The following KCNJ12 variants were observed in gnomAD, a reference collection of about 807,000 sequenced individuals.
The protein encoded by KCNJ12 is ATP-sensitive inward rectifier potassium channel 12.
Under a neutral mutation model 22.3 loss-of-function variants are expected in KCNJ12, and 2 were observed. That is an observed-to-expected ratio of 0.09 (90% CI 0.04 to 0.28). The LOEUF is 0.28. Among genes scored for constraint, KCNJ12 ranks in the 10% least tolerant of loss-of-function variants. KCNJ12 has a pLI of 1.00. For missense variants in KCNJ12, 155 were observed against 633.3 expected (o/e 0.24, Z 8.11); for synonymous variants, 117 against 261.4 (o/e 0.45, Z 5.33).
intron 2 of KCNJ12, among the ~76,000 whole-genome samples, 195 bp downstream of exon 2, chr17:21,408,835 C>G (rs1414807257): frequency 2.0e-5 from 3 of 152,298 alleles, no homozygotes; most frequent in Non-Finnish European, 4.4e-5. Context: ...CCATGCCATC[C>G]GTTCCTCACC....
At chr17:21,399,166 A>G (rs1024886494) in intron 1 of KCNJ12, among the ~76,000 whole-genome samples, 2 of 152,140 alleles carry the variant, frequency 1.3e-5, no homozygotes, top group Non-Finnish European at 2.9e-5. Flanking sequence ...GCCGTCCCCC[A>G]TGCCTGCTTC....
chr17:21,411,525 G>T (rs1597580134), intron 2 of KCNJ12, among the ~76,000 whole-genome samples: 1 of 152,312 alleles, frequency 6.6e-6, no homozygotes, highest in East Asian at 1.9e-4. Flanking sequence ...GGCGACCCTG[G>T]GACCCTGGCA....
chr17:21,390,209 C>A (rs1193055082), intron 1 of KCNJ12, among the ~76,000 whole-genome samples: 10 of 152,204 alleles, frequency 6.6e-5, no homozygotes, highest in African/African-American at 2.4e-4. Context: ...CCACAGGGCC[C>A]ACCCCTCTTG....
chr17:21,407,598 T>C (rs1214406965), intron 1 of KCNJ12, among the ~76,000 whole-genome samples: 2 of 149,764 alleles, frequency 1.3e-5, no homozygotes, highest in African/African-American at 4.9e-5. Flanking sequence ...CACCCATCCA[T>C]CCATCCATCC....
chr17:21,397,431 TC>T (rs1323290516), intron 1 of KCNJ12, among the ~76,000 whole-genome samples: 11 of 152,132 alleles, frequency 7.2e-5, no homozygotes, highest in South Asian at 2.1e-4. Context: ...GGCGGTTTCA[TC>T]CCCGTGCACT....
intron 1 of KCNJ12, among the ~76,000 whole-genome samples, chr17:21,403,326 A>T (rs4985858): frequency 5.6e-4 from 86 of 152,374 alleles, no homozygotes; most frequent in African/African-American, 1.9e-3. Flanking sequence ...CATGGGTCCG[A>T]TTTAAACAAA....
At chr17:21,379,498 G>A (rs560111448) in intron 1 of KCNJ12, among the ~76,000 whole-genome samples, 14 of 152,326 alleles carry the variant, frequency 9.2e-5, no homozygotes, top group Admixed American at 1.3e-4. Context: ...TTTACTGTGA[G>A]CGACACATGG....
chr17:21,382,132 C>T (rs1453078440), intron 1 of KCNJ12, among the ~76,000 whole-genome samples: 1 of 152,184 alleles, frequency 6.6e-6, no homozygotes, highest in African/African-American at 2.4e-5. Flanking sequence ...TTCCTTCAGG[C>T]CCCTACTCTG....
chr17:21,393,547 G>A (rs1306379807), intron 1 of KCNJ12, among the ~76,000 whole-genome samples: 1 of 152,202 alleles, frequency 6.6e-6, no homozygotes, highest in Admixed American at 6.5e-5. Context: ...CCCTCTGGGA[G>A]CCTCAGACCC....
In KCNJ12 at chr17:21,392,768, G is replaced by A. The variant is rs561106381; in HGVS notation, c.-178-15751G>A. On this transcript the variant is annotated intron_variant, in intron 1 of 2. Transcript: ENST00000583088. Reference sequence around the variant, plus strand: ...CCACAGCATTTGGGCAGTATAGACAGGGAGGTGGATGGTGGAGACAGGTGG... The same window carrying A: ...CCACAGCATTTGGGCAGTATAGACAAGGAGGTGGATGGTGGAGACAGGTGG... 2.3e-4 allele frequency among the ~76,000 whole-genome samples: 35 copies of A among 152,384 alleles called. No individual in the cohort carries two copies. In the South Asian group the frequency reaches 7.3e-3, roughly 32 times the overall value.
Position 21,417,178 on chromosome 17 carries a change from AGCT to A in KCNJ12, c.*536_*538del. The A allele has an allele frequency of 5.9e-6, 1 of 169,146 alleles. No individual in the cohort carries two copies. The highest frequency in any genetic ancestry group is 1.4e-5 in the Non-Finnish European group (1 of 69,724). 10.5% of individuals were successfully genotyped at this position (169,146 alleles called of 1,614,324 possible). A position where few individuals can be genotyped will look rare whatever the true frequency, so the allele number is the denominator to read the frequency against. On this transcript the variant is annotated 3_prime_UTR_variant, in exon 3 of 3. Coordinates refer to ENST00000583088, the MANE Select transcript of KCNJ12 (RefSeq NM_021012.5). ...TTCCATGGGTCTGCCAGGATGCAGC[AGCT>A]GGCTGAAGGCTCCAGAGGGTTCCCC...
chr17:21,390,889 G>A (rs919178172), intron 1 of KCNJ12, among the ~76,000 whole-genome samples: 2 of 152,044 alleles, frequency 1.3e-5, no homozygotes, highest in Non-Finnish European at 2.9e-5. Flanking sequence ...TCACACTGTC[G>A]TGCAGCCATC....
At chr17:21,415,106 G>A (rs1359515265) in intron 2 of KCNJ12, among the ~76,000 whole-genome samples, 181 bp from the exon 3 acceptor site, 5 of 152,408 alleles carry the variant, frequency 3.3e-5, no homozygotes, top group East Asian at 1.9e-4. Flanking sequence ...CTGGGGGCCC[G>A]AAGGGGGTGG....
chr17:21,398,336 C>T lies in KCNJ12; in HGVS notation c.-178-10183C>T, dbSNP rs576291357. 4.6e-5 allele frequency among the ~76,000 whole-genome samples: 7 copies of T among 152,284 alleles called. No homozygotes were observed. In the East Asian group the frequency reaches 1.4e-3, roughly 29 times the overall value. The stretch of plus-strand genomic sequence containing the variant: ...CCCACACTTCTCTGGTACCCGAGGC[C>T]CTGCCCAGTGCCTCCTCTGGCCACT... On this transcript the variant is annotated intron_variant, in intron 1 of 2. Transcript: ENST00000583088.
intron 1 of KCNJ12, among the ~76,000 whole-genome samples, chr17:21,378,604 G>A (rs1597549185): frequency 6.6e-6 from 1 of 152,130 alleles, no homozygotes; most frequent in Non-Finnish European, 1.5e-5. Context: ...GGGCCACAGG[G>A]ACACCCCTCT....
At position 21,416,432 on chromosome 17, in the gene KCNJ12, G is replaced by C. The variant is rs1285570110; in HGVS notation, c.1090G>C (p.Glu364Gln). ...CCGCTGCAGTGCGAAGGATCTGGTAGAGAACAAGTTCCTGCTGCCCAGCGC... is the reference window on the plus strand; with the variant it reads ...CCGCTGCAGTGCGAAGGATCTGGTACAGAACAAGTTCCTGCTGCCCAGCGC... ...TPRCSAKDLV[E>Q]NKFLLPSANS... The change falls in exon 3 of 3, where the codon GAG becomes CAG. Residue 364 changes from glutamate to glutamine, a missense_variant. Transcript: ENST00000583088. 1 of 1,614,074 alleles carries C rather than the reference G, an allele frequency of 6.2e-7. No homozygotes were observed.
chr17:21,396,674 C>T (rs572815782), intron 1 of KCNJ12, among the ~76,000 whole-genome samples: 116 of 152,276 alleles, frequency 7.6e-4, no homozygotes, highest in African/African-American at 2.5e-3. Flanking sequence ...GTGAGGATGA[C>T]GACAAGAGGA....
intron 1 of KCNJ12, among the ~76,000 whole-genome samples, chr17:21,378,587 G>C (rs1454262599): frequency 6.6e-6 from 1 of 152,160 alleles, no homozygotes; most frequent in African/African-American, 2.4e-5. Context: ...GGTGGCTCCA[G>C]TGTGCTGGGC....
At chr17:21,412,540 C>T (rs556897885) in intron 2 of KCNJ12, among the ~76,000 whole-genome samples, 117 of 152,406 alleles carry the variant, frequency 7.7e-4, no homozygotes, top group African/African-American at 2.6e-3. Flanking sequence ...GGTGGCCTCA[C>T]GCCGGCGTCT....
Sources: allele counts gnomAD v4.1 joint callset (sites outside exome capture counted in the v4.1 genomes callset), GRCh38; gene constraint gnomAD v4.1.1; transcripts MANE v1.5; gene names NCBI Gene and HGNC (gene_info 2026-07-23, HGNC 2026-07-21).